Variants in TASOR2 observed in about 807,000 individuals in gnomAD.
TASOR2 encodes the protein transcription activation suppressor family member 2.
Under a neutral mutation model 199.5 loss-of-function variants are expected in TASOR2, and 84 were observed. The ratio of observed to expected loss-of-function variants is 0.42; its 90% CI spans 0.35 to 0.50. TASOR2 has a LOEUF of 0.50. Among genes scored for constraint, TASOR2 ranks in the 20% least tolerant of loss-of-function variants. The probability of loss-of-function intolerance (pLI) is 0.02; values close to 1 mark genes in which losing one functional copy is unlikely to be tolerated. For synonymous variants in TASOR2, 1,103 were observed against 1,046.6 expected, an observed-to-expected ratio of 1.05 and a Z score of -1.04; for missense variants, 2,796 against 2,835.9, an observed-to-expected ratio of 0.99 and a Z score of 0.32.
At chr10:5,735,449 A>G in exon 12 of TASOR2, 1 of 1,614,204 alleles carries the variant, frequency 6.2e-7, no homozygotes, top group Non-Finnish European at 8.5e-7. Context: ...AAACTGTTCC[A>G]AGGGCTAAGC....
At chr10:5,762,972 A>T in intron 20 of TASOR2, 57 bp from the exon 22 acceptor site, 3 of 1,551,856 alleles carry the variant, frequency 1.9e-6, no homozygotes, top group Non-Finnish European at 2.6e-6. Context: ...CCGCTTATAA[A>T]ATATTTCTTG....
exon 19 of TASOR2, chr10:5,761,395 A>G (rs540260317): frequency 6.2e-7 from 1 of 1,614,000 alleles, no homozygotes; most frequent in Non-Finnish European, 8.5e-7. Flanking sequence ...GATCATCAAC[A>G]AAAGCAGAAA....
Position 5,730,217 on chromosome 10 carries a change from G to A in TASOR2, c.488-270G>A, listed in dbSNP as rs1834620132. Among the ~76,000 whole-genome samples, 1 of 152,162 alleles carries A rather than the reference G, an allele frequency of 6.6e-6. No individual in the cohort carries two copies. Among genetic ancestry groups the A allele is most frequent in the African/African-American group, 2.4e-5 (1 of 41,438 alleles). On this transcript the variant is annotated intron_variant, in intron 10 of 20. Coordinates refer to ENST00000328090, the Ensembl canonical transcript of TASOR2. This position sits in a 1 kb window ranked among gnomAD's most constrained non-coding sequence, Gnocchi z 4.1. The stretch of plus-strand genomic sequence containing the variant: ...GTTAGGTGAGATGGAGCTGGAGGCA[G>A]GGTTTAGTTTACTTGTTCTAACCTA...
chr10:5,720,245 A>G lies in TASOR2; in HGVS notation c.-99-299A>G. ...ATTCGAAGGCATCTGATTAGTTTTA[A>G]TATTTTCATTCTAGGGAAAAGTCAA... On this transcript the variant is annotated intron_variant, in intron 3 of 20. Coordinates refer to ENST00000328090, the Ensembl canonical transcript of TASOR2. This position sits in a 1 kb window ranked among gnomAD's most constrained non-coding sequence, Gnocchi z 5.3. The G allele has an allele frequency of 1.0e-5, 10 of 984,976 alleles. No homozygotes were observed. The highest frequency in any genetic ancestry group is 1.2e-5 in the Non-Finnish European group (10 of 829,544). The allele number at this position is 984,976 out of a possible 1,614,324, so 61.0% of individuals were successfully genotyped here.
intron 1 of TASOR2, chr10:5,712,244 G>C (rs931828770): frequency 2.2e-6 from 1 of 462,182 alleles, no homozygotes; most frequent in South Asian, 1.2e-4. Flanking sequence ...TTACATCAGA[G>C]GTCTTTTAAA....
intron 1 of TASOR2, chr10:5,709,444 A>C: frequency 1.2e-6 from 1 of 865,856 alleles, no homozygotes; most frequent in Non-Finnish European, 1.5e-6. Context: ...CCTAATACAA[A>C]TTACTCAGCG....
chr10:5,761,365 T>C (rs1025992242), exon 19 of TASOR2: 7 of 1,614,062 alleles, frequency 4.3e-6, no homozygotes, highest in Non-Finnish European at 5.1e-6. Context: ...AATTGCTTCA[T>C]TATCACCAGT....
intron 18 of TASOR2, among the ~76,000 whole-genome samples, chr10:5,760,052 G>T (rs1019730643): frequency 1.3e-5 from 2 of 152,162 alleles, no homozygotes; most frequent in East Asian, 3.9e-4. Context: ...TTAACGACGG[G>T]GATACAGCCT....
At chr10:5,686,171 A>G (rs2131474782) in intron 1 of TASOR2, among the ~76,000 whole-genome samples, 1 of 152,352 alleles carries the variant, frequency 6.6e-6, no homozygotes, top group Non-Finnish European at 1.5e-5. Context: ...AAAAAGGGTG[A>G]CAAAAGGTCC....
chr10:5,746,156 T>G, intron 14 of TASOR2, 23 bp from the exon 16 acceptor site: 1 of 1,505,200 alleles, frequency 6.6e-7, no homozygotes, highest in South Asian at 1.4e-5. Context: ...GATTTTTTTT[T>G]TTTTTTACTT....
In TASOR2 at chr10:5,748,306, A is replaced by G; in HGVS notation, c.4885A>G (p.Ile1629Val). ...CGGTGATTTGAAAACAGATGAAGGCATTTATCTGCAGGTGAAGTCCTTGAC... is the reference window on the plus strand; with the variant it reads ...CGGTGATTTGAAAACAGATGAAGGCGTTTATCTGCAGGTGAAGTCCTTGAC... Residue 1629 changes from isoleucine to valine, a missense_variant, in exon 15 of 21, where the codon ATT (isoleucine) becomes GTT (valine). Ile to Val is a conservative substitution (Grantham distance 29, BLOSUM62 3). This residue lies in a region of TASOR2 where 1,941 missense variants were observed against 1,924.9 expected (regional missense o/e 1.01). Transcript: ENST00000328090. This position sits in a 1 kb window ranked among gnomAD's most constrained non-coding sequence, Gnocchi z 5.1. The G allele has an allele frequency of 1.2e-6, 2 of 1,614,236 alleles. No individual in the cohort carries two copies. The highest frequency in any genetic ancestry group is 1.7e-6 in the Non-Finnish European group (2 of 1,180,046).
intron 10 of TASOR2, among the ~76,000 whole-genome samples, chr10:5,729,495 G>A (rs977395939): frequency 6.6e-6 from 1 of 152,192 alleles, no homozygotes; most frequent in African/African-American, 2.4e-5. Flanking sequence ...GAGCCCACTC[G>A]TTCAAGACCA....
intron 12 of TASOR2, among the ~76,000 whole-genome samples, chr10:5,736,149 G>T (rs902161873): frequency 2.0e-5 from 3 of 151,990 alleles, no homozygotes; most frequent in African/African-American, 4.8e-5. Flanking sequence ...GGCCAGGCGC[G>T]GTGTCTCACG....
chr10:5,709,612 C>T (rs1020365631), intron 1 of TASOR2: 82 of 1,230,928 alleles, frequency 6.7e-5, no homozygotes, highest in Non-Finnish European at 7.9e-5. Flanking sequence ...ACCACCCTCC[C>T]AGCTACATTC....
chr10:5,712,572 G>C, intron 1 of TASOR2: 1 of 1,230,680 alleles, frequency 8.1e-7, no homozygotes, highest in Non-Finnish European at 1.0e-6. Flanking sequence ...TGATGGTTTT[G>C]TTTTAGTTTT....
intron 10 of TASOR2, among the ~76,000 whole-genome samples, chr10:5,728,784 T>C (rs1168309064): frequency 6.6e-6 from 1 of 152,188 alleles, no homozygotes; most frequent in Non-Finnish European, 1.5e-5. Context: ...GTGGAAGTAA[T>C]GGACTTAGCA....
At chr10:5,688,395 ATTTTTTTTTTT>A (rs34362647) in intron 1 of TASOR2, among the ~76,000 whole-genome samples, 10 of 99,892 alleles carry the variant, frequency 1.0e-4, no homozygotes, top group Non-Finnish European at 1.5e-4. Context: ...CTAATTTTTA[ATTTTTTTTTTT>A]TTTTTTTTTT....
In TASOR2 at chr10:5,746,121, C is replaced by T. The variant is rs538105178; in HGVS notation, c.2758-58C>T. 2.9e-4 allele frequency: 422 copies of T among 1,473,946 alleles called. 2 individuals are homozygous for T. The highest frequency in any genetic ancestry group is 2.4e-4 in the Middle Eastern group (1 of 4,200). 91.3% of individuals were successfully genotyped at this position (1,473,946 alleles called of 1,614,324 possible). ...TCTGTTCTTCACATGTACATATAAT[C>T]GTATAAAAAACATTTTATATGACTG... On this transcript the variant is annotated intron_variant, in intron 14 of 20. Coordinates refer to ENST00000328090, the Ensembl canonical transcript of TASOR2.
chr10:5,715,944 A>AT (rs1397778504), intron 2 of TASOR2, among the ~76,000 whole-genome samples: 3 of 152,052 alleles, frequency 2.0e-5, no homozygotes, highest in African/African-American at 7.2e-5. Context: ...CCTGGCCGCA[A>AT]TTTTTTACTC....
Sources: gnomAD v4.1 joint callset for allele counts (sites outside exome capture counted in the v4.1 genomes callset) on GRCh38, gnomAD v4.1.1 for gene constraint, gnomAD v4.1.1 regional missense constraint, Gnocchi (gnomAD v3.1) non-coding constraint, MANE v1.5 for transcripts, NCBI Gene and HGNC (gene_info 2026-07-23, HGNC 2026-07-21) for gene names.